CNOT2: variants seen among roughly 807,000 people sequenced by gnomAD.
The protein encoded by CNOT2 is CCR4-NOT transcription complex subunit 2, also known as CC chemokine receptor 4-negative regulator of transcription 2.
Under a neutral mutation model 72.1 loss-of-function variants are expected in CNOT2, and 7 were observed. The ratio of observed to expected loss-of-function variants is 0.10; its 90% CI spans 0.06 to 0.18. The LOEUF (loss-of-function observed/expected upper bound fraction) is 0.18, where lower values mean the gene tolerates loss of function less well. CNOT2 is among the 10% of genes least tolerant of loss of function. The pLI is 1.00. For synonymous variants in CNOT2, 196 were observed against 225.6 expected (o/e 0.87, Z 1.17); for missense variants, 345 against 660.3 (o/e 0.52, Z 5.23).
rs1171371425 is a variant in CNOT2, at chr12:70,302,503, A to T, written c.49-8392A>T. Among the ~76,000 whole-genome samples, 7 of 152,122 alleles carry T rather than the reference A, an allele frequency of 4.6e-5. No individual in the cohort carries two copies. In the East Asian group the frequency reaches 1.4e-3, roughly 29 times the overall value. Reference sequence around the variant, plus strand: ...GTAGTCATTCAGGAGCAGGTTGTTCAGTTTCCATGTAGTTGAGAGGTTTTG... The same window carrying T: ...GTAGTCATTCAGGAGCAGGTTGTTCTGTTTCCATGTAGTTGAGAGGTTTTG... On this transcript the variant is annotated intron_variant, in intron 2 of 15. Transcript: ENST00000229195.
chr12:70,317,192 G>A (rs1877480509), intron 3 of CNOT2, among the ~76,000 whole-genome samples: 1 of 151,832 alleles, frequency 6.6e-6, no homozygotes. Context: ...AGCATTATTT[G>A]GGATAAAGAA....
At chr12:70,315,450 G>A (rs1877170936) in intron 3 of CNOT2, among the ~76,000 whole-genome samples, 1 of 151,982 alleles carries the variant, frequency 6.6e-6, no homozygotes, top group African/African-American at 2.4e-5. Flanking sequence ...CCATAATTTT[G>A]AGTATATTAT....
intron 3 of CNOT2, among the ~76,000 whole-genome samples, chr12:70,314,439 C>T (rs146701711): frequency 6.6e-6 from 1 of 151,902 alleles, no homozygotes; most frequent in East Asian, 1.9e-4. Context: ...GAGGGGGGCA[C>T]TGAAGTGACT....
intron 3 of CNOT2, among the ~76,000 whole-genome samples, chr12:70,314,487 A>G (rs1876986316): frequency 6.6e-6 from 1 of 152,154 alleles, no homozygotes; most frequent in Admixed American, 6.6e-5. Context: ...TAGGTTAGCA[A>G]TGAATATTGA....
At chr12:70,332,123 G>C (rs1000244414) in intron 6 of CNOT2, among the ~76,000 whole-genome samples, 5 of 151,682 alleles carry the variant, frequency 3.3e-5, no homozygotes, top group African/African-American at 1.2e-4. Flanking sequence ...ACTATATTTA[G>C]ATAAGAATGA....
At chr12:70,256,677 G>A (rs1958462924) in intron 1 of CNOT2, among the ~76,000 whole-genome samples, 1 of 150,994 alleles carries the variant, frequency 6.6e-6, no homozygotes, top group Non-Finnish European at 1.5e-5. Flanking sequence ...TCACTTCCAA[G>A]CCTATAACCT....
intron 1 of CNOT2, among the ~76,000 whole-genome samples, chr12:70,254,752 C>T (rs974553559): frequency 6.6e-6 from 1 of 151,724 alleles, no homozygotes; most frequent in African/African-American, 2.4e-5. Flanking sequence ...GAGGCCGAGG[C>T]GGGTGGATTG....
intron 2 of CNOT2, among the ~76,000 whole-genome samples, chr12:70,295,746 A>T (rs1565779887): frequency 6.6e-6 from 1 of 152,138 alleles, no homozygotes; most frequent in African/African-American, 2.4e-5. Context: ...GTATATGTGT[A>T]CTTTTTTCCT....
chr12:70,328,686 C>T (rs985774192), intron 4 of CNOT2, among the ~76,000 whole-genome samples: 1 of 149,748 alleles, frequency 6.7e-6, no homozygotes, highest in South Asian at 2.1e-4. Context: ...TTGTTTGTTT[C>T]GTATGAGAAT....
chr12:70,304,642 G>A (rs575403432), intron 2 of CNOT2, among the ~76,000 whole-genome samples: 43 of 152,366 alleles, frequency 2.8e-4, no homozygotes, highest in African/African-American at 9.9e-4. Context: ...TGTGGAGGCA[G>A]TCTGCCCGTT....
At chr12:70,280,362 T>C (rs1869613487) in intron 2 of CNOT2, among the ~76,000 whole-genome samples, 1 of 152,166 alleles carries the variant, frequency 6.6e-6, no homozygotes, top group African/African-American at 2.4e-5. Context: ...AGGGTGACTA[T>C]AATTAACAAG....
At chr12:70,289,767 G>A (rs1171188258) in intron 2 of CNOT2, among the ~76,000 whole-genome samples, 1 of 151,622 alleles carries the variant, frequency 6.6e-6, no homozygotes, top group African/African-American at 2.4e-5. Context: ...GCATATCATT[G>A]TCTACTAATT....
At chr12:70,248,341 A>G (rs1957983206) in intron 1 of CNOT2, among the ~76,000 whole-genome samples, 1 of 152,218 alleles carries the variant, frequency 6.6e-6, no homozygotes, top group South Asian at 2.1e-4. Context: ...TCCAAAATTT[A>G]AAAAGCTCTG....
chr12:70,282,593 A>G (rs1302291526), intron 2 of CNOT2, among the ~76,000 whole-genome samples: 1 of 152,162 alleles, frequency 6.6e-6, no homozygotes, highest in South Asian at 2.1e-4. Context: ...TTTACTAGTG[A>G]CTATATAGTG....
At chr12:70,330,517 C>T in intron 6 of CNOT2, 48 bp downstream of exon 6, 1 of 1,362,822 alleles carries the variant, frequency 7.3e-7, no homozygotes, top group South Asian at 1.4e-5. Flanking sequence ...TGGGTATACT[C>T]AGATTTGCCT....
chr12:70,338,234 C>T, intron 9 of CNOT2: 1 of 389,240 alleles, frequency 2.6e-6, no homozygotes, highest in Middle Eastern at 7.2e-4. Flanking sequence ...ATTTCTTTTT[C>T]TTTAAATACT....
chr12:70,341,185 C>A, intron 11 of CNOT2, among the ~76,000 whole-genome samples: 1 of 152,064 alleles, frequency 6.6e-6, no homozygotes, highest in East Asian at 1.9e-4. Context: ...CGCGCTTGAC[C>A]AGAAACCCCA....
chr12:70,294,117 C>A, intron 2 of CNOT2: 1 of 1,288,490 alleles, frequency 7.8e-7, no homozygotes, highest in Non-Finnish European at 1.0e-6. Context: ...GACTTTCTTA[C>A]TGTTTGCTGG....
intron 2 of CNOT2, among the ~76,000 whole-genome samples, chr12:70,305,880 T>TG (rs1555198871): frequency 2.0e-5 from 3 of 147,798 alleles, no homozygotes; most frequent in African/African-American, 5.0e-5. Flanking sequence ...TTTGTTTTTT[T>TG]TTTTTTTTTT....
Sources: gnomAD v4.1 joint callset for allele counts (sites outside exome capture counted in the v4.1 genomes callset) on GRCh38, gnomAD v4.1.1 for gene constraint, MANE v1.5 for transcripts, NCBI Gene and HGNC (gene_info 2026-07-23, HGNC 2026-07-21) for gene names.